The following CHST11 variants were observed in gnomAD, a reference collection of about 807,000 sequenced individuals.
CHST11 encodes the protein carbohydrate sulfotransferase 11, also known as C4S-1.
Under a neutral mutation model 30.4 loss-of-function variants are expected in CHST11, and 9 were observed. The observed-to-expected ratio is 0.30, with a 90% confidence interval of 0.18 to 0.52. The LOEUF is 0.52. CHST11 is among the 20% of genes least tolerant of loss of function. The pLI, the probability that CHST11 is intolerant of heterozygous loss-of-function variation, is 0.97. For synonymous variants in CHST11, 152 were observed against 187.8 expected (o/e 0.81, Z 1.56); for missense variants, 348 against 460.6 (o/e 0.76, Z 2.24).
rs78168616 is a variant in CHST11, at chr12:104,682,555, C to T, written c.205-74394C>T. ...GATATCAGTTGACTCCTGGTTACCC[C>T]AGTTTTGGTAACACCTGTAATGTCT... On this transcript the variant is annotated intron_variant, in intron 2 of 2. Transcript: ENST00000303694. 7.8e-3 allele frequency among the ~76,000 whole-genome samples: 1,186 copies of T among 152,340 alleles called. 15 individuals carry two copies. Among genetic ancestry groups the T allele is most frequent in the East Asian group, 0.064 (331 of 5,194 alleles).
chr12:104,692,916 A>G (rs117205643), intron 2 of CHST11, among the ~76,000 whole-genome samples: 1,766 of 150,290 alleles, frequency 0.012, 21 homozygotes, highest in Admixed American at 0.02. Context: ...CTTCCATGAA[A>G]CCAGTCCCTG....
intron 2 of CHST11, among the ~76,000 whole-genome samples, chr12:104,644,045 C>T (rs564494335): frequency 2.7e-4 from 41 of 152,274 alleles, no homozygotes; most frequent in African/African-American, 9.1e-4. Flanking sequence ...TTTTCTTGGA[C>T]GGTTTCTGCA....
intron 2 of CHST11, among the ~76,000 whole-genome samples, chr12:104,756,350 A>C (rs1365208773): frequency 2.0e-5 from 3 of 152,052 alleles, no homozygotes; most frequent in Non-Finnish European, 4.4e-5. Context: ...GCCTTTGGGG[A>C]GAAACTTTTG....
intron 2 of CHST11, among the ~76,000 whole-genome samples, chr12:104,672,231 G>A (rs947133673): frequency 6.9e-6 from 1 of 145,136 alleles, no homozygotes; most frequent in African/African-American, 2.8e-5. Flanking sequence ...GACCGTGTGG[G>A]AGAGAGGGGA....
chr12:104,604,975 T>C (rs1178392160), intron 2 of CHST11, among the ~76,000 whole-genome samples: 2 of 152,060 alleles, frequency 1.3e-5, no homozygotes, highest in African/African-American at 4.8e-5. Flanking sequence ...ATTTTATGGA[T>C]GGGGGAACTG....
intron 2 of CHST11, among the ~76,000 whole-genome samples, chr12:104,728,682 G>A (rs888732173): frequency 1.4e-4 from 22 of 152,156 alleles, no homozygotes; most frequent in African/African-American, 5.3e-4. Flanking sequence ...CTGAACTGAG[G>A]GCCTTGATCC....
intron 2 of CHST11, among the ~76,000 whole-genome samples, chr12:104,677,321 C>T (rs2136099713): frequency 6.6e-6 from 1 of 152,264 alleles, no homozygotes; most frequent in African/African-American, 2.4e-5. Context: ...AACAACAAAA[C>T]CTGGTTCTAA....
chr12:104,691,000 T>A (rs2039891478), intron 2 of CHST11, among the ~76,000 whole-genome samples: 1 of 152,186 alleles, frequency 6.6e-6, no homozygotes, highest in Non-Finnish European at 1.5e-5. Flanking sequence ...CCTGAAAGAA[T>A]CCATTATTGG....
rs1054433153 is a variant in CHST11 at position 104,643,432 on chromosome 12, A to G, written c.204+41441A>G. ...TTGGAGGGTTAGATACGTCAGATGC[A>G]GAGATGGGGTTCTACCCTGTGTTTT... On this transcript the variant is annotated intron_variant, in intron 2 of 2. Coordinates refer to ENST00000303694, the MANE Select transcript of CHST11 (RefSeq NM_018413.6). Among the ~76,000 whole-genome samples, 24 of 152,238 alleles carry G rather than the reference A, an allele frequency of 1.6e-4. 1 individual carries two copies. The highest frequency in any genetic ancestry group is 9.8e-4 in the Admixed American group (15 of 15,284).
chr12:104,759,446 T>C lies in CHST11; in HGVS notation c.*1643T>C, dbSNP rs988859813. 1 of 134,270 alleles carries C rather than the reference T, an allele frequency of 7.4e-6. No individual in the cohort carries two copies. Among genetic ancestry groups the C allele is most frequent in the Non-Finnish European group, 1.6e-5 (1 of 63,556 alleles). 8.3% of individuals were successfully genotyped at this position (134,270 alleles called of 1,614,324 possible). Reference sequence around the variant, plus strand: ...TGGTAGCAGCTACTGTATATAATAATAATAATAGTTTTAATAATAGGGGAG... The same window carrying C: ...TGGTAGCAGCTACTGTATATAATAACAATAATAGTTTTAATAATAGGGGAG... On this transcript the variant is annotated 3_prime_UTR_variant, in exon 3 of 3. Transcript: ENST00000303694.
chr12:104,705,257 G>A (rs2040022462), intron 2 of CHST11, among the ~76,000 whole-genome samples: 1 of 152,148 alleles, frequency 6.6e-6, no homozygotes. Context: ...TTTGGAGCCA[G>A]GGAGACCCAG....
chr12:104,588,952 G>C (rs781306566), intron 1 of CHST11: 1 of 152,194 alleles, frequency 6.6e-6, no homozygotes, highest in African/African-American at 2.4e-5. Flanking sequence ...TGGTATGTAT[G>C]ATGGGATATT....
intron 2 of CHST11, among the ~76,000 whole-genome samples, chr12:104,637,359 A>G (rs577867764): frequency 6.6e-5 from 7 of 106,020 alleles, no homozygotes; most frequent in African/African-American, 1.1e-4. Flanking sequence ...GGGGGGAGGG[A>G]TAGCATTAGG....
intron 2 of CHST11, among the ~76,000 whole-genome samples, chr12:104,740,503 T>A (rs1459261782): frequency 6.6e-6 from 1 of 152,140 alleles, no homozygotes; most frequent in Admixed American, 6.5e-5. Context: ...AAAGGCATAT[T>A]TGGGTTCCAG....
chr12:104,529,195 T>G (rs1221113147), intron 1 of CHST11, among the ~76,000 whole-genome samples: 1 of 152,234 alleles, frequency 6.6e-6, no homozygotes, highest in Admixed American at 6.5e-5. Flanking sequence ...TTGTGCCTAC[T>G]TACTCTTTGC....
chr12:104,751,014 A>G (rs1396508538), intron 2 of CHST11, among the ~76,000 whole-genome samples: 1 of 152,072 alleles, frequency 6.6e-6, no homozygotes, highest in African/African-American at 2.4e-5. Flanking sequence ...CAGGTGCACC[A>G]TTTGCCCCTT....
chr12:104,649,003 C>A (rs2039465092), intron 2 of CHST11, among the ~76,000 whole-genome samples: 1 of 152,182 alleles, frequency 6.6e-6, no homozygotes, highest in Admixed American at 6.5e-5. Context: ...TGCCTCTCTT[C>A]CTTTCTGTCC....
chr12:104,710,207 AAAAG>A (rs1400190218), intron 2 of CHST11, among the ~76,000 whole-genome samples: 3 of 151,792 alleles, frequency 2.0e-5, no homozygotes, highest in African/African-American at 7.3e-5. Flanking sequence ...CTCAAACAAA[AAAAG>A]AAGTTTTTTC....
rs1565954862 is a variant in CHST11, at chr12:104,475,685, TATA to T, written c.118+18157_118+18159del. On this transcript the variant is annotated intron_variant, in intron 1 of 2. Coordinates refer to ENST00000303694, the MANE Select transcript of CHST11 (RefSeq NM_018413.6). ...ATATATATATATATATATATATATA[TATA>T]TATTTCTGATTATGAAATTAATTCA... Among the ~76,000 whole-genome samples, 101 of 125,442 alleles carry T rather than the reference TATA, an allele frequency of 8.1e-4. 2 individuals are homozygous for T. The highest frequency in any genetic ancestry group is 2.2e-3 in the South Asian group (9 of 4,140). The allele number at this position is 125,442 out of a possible 152,430, so 82.3% of individuals were successfully genotyped here. A position where few individuals can be genotyped will look rare whatever the true frequency, so the allele number is the denominator to read the frequency against.
Sources: gnomAD v4.1 joint callset for allele counts (sites outside exome capture counted in the v4.1 genomes callset) on GRCh38, gnomAD v4.1.1 for gene constraint, MANE v1.5 for transcripts, NCBI Gene and HGNC (gene_info 2026-07-23, HGNC 2026-07-21) for gene names.